CNTNAP2: variants seen among roughly 807,000 people sequenced by gnomAD.
CNTNAP2 encodes the protein contactin associated protein 2, also known as contactin-associated protein-like 2.
Under a neutral mutation model 155.2 loss-of-function variants are expected in CNTNAP2, and 98 were observed. The ratio of observed to expected loss-of-function variants is 0.63; its 90% confidence interval spans 0.54 to 0.75. The LOEUF (loss-of-function observed/expected upper bound fraction) is 0.75. Ranked by LOEUF, CNTNAP2 falls within the 30% of genes least tolerant of loss-of-function variation. The pLI, the probability that CNTNAP2 is intolerant of heterozygous loss-of-function variation, is 0.00. For missense variants in CNTNAP2, 1,727 were observed against 1,688.1 expected (o/e 1.02, Z -0.40); for synonymous variants, 651 against 631.2 (o/e 1.03, Z -0.47).
intron 1 of CNTNAP2, among the ~76,000 whole-genome samples, chr7:146,359,866 A>T (rs372949460): frequency 5.3e-5 from 8 of 152,256 alleles, no homozygotes; most frequent in African/African-American, 1.9e-4. Context: ...AGTTGTGATG[A>T]TATCTCAAAT....
At chr7:148,307,393 C>T (rs1054987803) in intron 21 of CNTNAP2, among the ~76,000 whole-genome samples, 1 of 152,134 alleles carries the variant, frequency 6.6e-6, no homozygotes, top group Non-Finnish European at 1.5e-5. Flanking sequence ...AAATAATGGG[C>T]GGCTTTGCAG....
intron 3 of CNTNAP2, among the ~76,000 whole-genome samples, chr7:146,946,570 T>G (rs190349753): frequency 6.6e-6 from 1 of 152,250 alleles, no homozygotes; most frequent in East Asian, 1.9e-4. Flanking sequence ...TTATTTGAAA[T>G]TGCAATAGAT....
At chr7:146,358,527 G>C (rs1795037234) in intron 1 of CNTNAP2, among the ~76,000 whole-genome samples, 1 of 152,104 alleles carries the variant, frequency 6.6e-6, no homozygotes, top group Admixed American at 6.6e-5. Context: ...ACTCAACGCA[G>C]ACCTGTGGAG....
chr7:146,324,350 G>T (rs1584869316), intron 1 of CNTNAP2, among the ~76,000 whole-genome samples: 2 of 152,112 alleles, frequency 1.3e-5, no homozygotes, highest in Non-Finnish European at 2.9e-5. Flanking sequence ...TTATCATGGG[G>T]TATTGTAACC....
chr7:146,118,930 AG>A (rs1797524681), intron 1 of CNTNAP2, among the ~76,000 whole-genome samples: 1 of 152,110 alleles, frequency 6.6e-6, no homozygotes, highest in South Asian at 2.1e-4. Flanking sequence ...CAAAATGCAA[AG>A]TTGCCCTATA....
chr7:147,483,176 A>G (rs1173991249), intron 10 of CNTNAP2, among the ~76,000 whole-genome samples: 1 of 152,196 alleles, frequency 6.6e-6, no homozygotes, highest in African/African-American at 2.4e-5. Context: ...GGACCTCTGT[A>G]TTTGTGAATC....
chr7:146,292,796 T>A (rs1057026710), intron 1 of CNTNAP2, among the ~76,000 whole-genome samples: 2 of 152,184 alleles, frequency 1.3e-5, no homozygotes, highest in African/African-American at 4.8e-5. Flanking sequence ...TACGTTATAC[T>A]CTCACGTATA....
chr7:146,116,975 T>C lies in CNTNAP2; in HGVS notation c.97+2T>C. On this transcript the variant is annotated splice_donor_variant, in intron 1 of 23. Transcript: ENST00000361727. LOFTEE classifies it high-confidence loss of function. The surrounding 1 kb of genome is among the most constrained non-coding windows in gnomAD (Gnocchi z 5.5). ...CCTGGACGGCTCCCTCCACGTCCCG[T>C]AAGTAGCCGTCTCCTCGCTCTGCTC... 1 of 1,550,302 alleles carries C rather than the reference T, an allele frequency of 6.5e-7. No homozygotes were observed. The highest frequency in any genetic ancestry group is 8.7e-7 in the Non-Finnish European group (1 of 1,146,436).
At chr7:147,566,283 C>G (rs1006309008) in intron 12 of CNTNAP2, among the ~76,000 whole-genome samples, 1 of 141,464 alleles carries the variant, frequency 7.1e-6, no homozygotes, top group African/African-American at 2.7e-5. Flanking sequence ...GTGCCAGAAA[C>G]CCTGCCAAGA....
At chr7:146,246,000 G>C (rs1232251030) in intron 1 of CNTNAP2, among the ~76,000 whole-genome samples, 2 of 148,802 alleles carry the variant, frequency 1.3e-5, no homozygotes, top group African/African-American at 5.2e-5. Context: ...AACTTGTAAG[G>C]CTTGTCTGGT....
intron 1 of CNTNAP2, among the ~76,000 whole-genome samples, chr7:146,275,704 C>G (rs1800153192): frequency 6.6e-6 from 1 of 152,320 alleles, no homozygotes; most frequent in East Asian, 1.9e-4. Context: ...CCTAAGCACA[C>G]ATATCCACTG....
intron 15 of CNTNAP2, among the ~76,000 whole-genome samples, chr7:148,043,397 T>A (rs1436927434): frequency 6.6e-6 from 1 of 152,204 alleles, no homozygotes; most frequent in African/African-American, 2.4e-5. Flanking sequence ...ACAGGAGGCC[T>A]CTTCATTTTC....
intron 1 of CNTNAP2, among the ~76,000 whole-genome samples, chr7:146,612,526 C>T (rs1799155436): frequency 1.3e-5 from 2 of 152,076 alleles, no homozygotes; most frequent in African/African-American, 4.8e-5. Flanking sequence ...TTATGAGTAT[C>T]CATTCTTGTT....
intron 1 of CNTNAP2, among the ~76,000 whole-genome samples, chr7:146,737,864 T>G (rs559668900): frequency 1.1e-3 from 168 of 152,204 alleles, no homozygotes; most frequent in African/African-American, 4.0e-3. Context: ...TGTGTGTGCG[T>G]GCATATAGAT....
At chr7:147,071,975 A>T (rs543779985) in intron 4 of CNTNAP2, among the ~76,000 whole-genome samples, 2 of 152,198 alleles carry the variant, frequency 1.3e-5, no homozygotes, top group South Asian at 4.2e-4. Flanking sequence ...CTTTGTGGGG[A>T]GACTGACATT....
chr7:146,548,122 ACT>A (rs752478757), intron 1 of CNTNAP2, among the ~76,000 whole-genome samples: 4 of 149,568 alleles, frequency 2.7e-5, no homozygotes, highest in Non-Finnish European at 5.9e-5. Context: ...CCCACCCTCC[ACT>A]CTCTTTTGAA....
chr7:147,558,612 C>G (rs893407392), intron 11 of CNTNAP2, among the ~76,000 whole-genome samples: 12 of 152,186 alleles, frequency 7.9e-5, no homozygotes, highest in African/African-American at 2.4e-4. Context: ...TGAGGCAAAG[C>G]AGCTTAGGCC....
intron 1 of CNTNAP2, among the ~76,000 whole-genome samples, chr7:146,152,977 A>T (rs968874586): frequency 5.3e-5 from 8 of 152,146 alleles, no homozygotes. Context: ...TGATCAAAAT[A>T]GAAATACTTC....
intron 1 of CNTNAP2, among the ~76,000 whole-genome samples, chr7:146,518,141 A>G (rs1279488404): frequency 6.6e-6 from 1 of 151,958 alleles, no homozygotes; most frequent in African/African-American, 2.4e-5. Context: ...AAGAATTAGT[A>G]TAATATATGA....
Sources: allele counts gnomAD v4.1 joint callset (sites outside exome capture counted in the v4.1 genomes callset), GRCh38; gene constraint gnomAD v4.1.1; non-coding constraint Gnocchi (gnomAD v3.1); transcripts MANE v1.5; gene names NCBI Gene and HGNC (gene_info 2026-07-23, HGNC 2026-07-21).